NCALD: variants seen among roughly 807,000 people sequenced by gnomAD.
NCALD encodes neurocalcin-delta.
In NCALD, 10 loss-of-function variants were observed where a neutral mutation model predicts 18.6. The observed-to-expected ratio is 0.54, with a 90% CI of 0.33 to 0.91. The LOEUF is 0.91. NCALD is among the 40% of genes least tolerant of loss of function. The probability of loss-of-function intolerance (pLI) is 0.03; values close to 1 mark genes in which losing one functional copy is unlikely to be tolerated. For missense variants in NCALD, 184 were observed against 247.6 expected, an observed-to-expected ratio of 0.74 and a Z score of 1.72; for synonymous variants, 88 against 87.4, an observed-to-expected ratio of 1.01 and a Z score of -0.04.
intron 3 of NCALD, among the ~76,000 whole-genome samples, chr8:101,889,583 G>A (rs1271126998): frequency 2.0e-5 from 3 of 152,174 alleles, no homozygotes; most frequent in Non-Finnish European, 4.4e-5. Context: ...GGTGAGAGGA[G>A]ATTCATTGCT....
chr8:102,010,150 C>A (rs1415865864), intron 2 of NCALD, among the ~76,000 whole-genome samples: 1 of 152,242 alleles, frequency 6.6e-6, no homozygotes, highest in Non-Finnish European at 1.5e-5. Flanking sequence ...ATCACAAACA[C>A]GTAGCACCCT....
At chr8:102,069,227 A>C (rs1384442917) in intron 1 of NCALD, among the ~76,000 whole-genome samples, 1 of 152,140 alleles carries the variant, frequency 6.6e-6, no homozygotes, top group Non-Finnish European at 1.5e-5. Context: ...ATGTGAGGTG[A>C]TGGATATGTT....
intron 1 of NCALD, among the ~76,000 whole-genome samples, chr8:102,101,346 T>C (rs1314485649): frequency 6.6e-6 from 1 of 152,244 alleles, no homozygotes; most frequent in African/African-American, 2.4e-5. Context: ...CAACAAATTT[T>C]AAAAAGTTTT....
At chr8:101,955,287 GC>G (rs1024686694) in intron 2 of NCALD, among the ~76,000 whole-genome samples, 1 of 152,176 alleles carries the variant, frequency 6.6e-6, no homozygotes, top group Non-Finnish European at 1.5e-5. Context: ...AAAGGGAAGT[GC>G]CTTCCAGAGA....
rs1205461845 is a variant in NCALD, at chr8:101,860,642, A to G, written c.-20+26499T>C. On this transcript the variant is annotated intron_variant, in intron 4 of 6. Transcript: ENST00000311028. ...ATATGTTAGCTATAATGAGTCAACC[A>G]TAATAACATAAACAGTGAAAATTGT... Among the ~76,000 whole-genome samples the G allele has an allele frequency of 2.6e-5, 4 of 152,330 alleles. No individual in the cohort carries two copies. The East Asian group carries it at 5.8e-4, about 22-fold the overall frequency.
intron 4 of NCALD, among the ~76,000 whole-genome samples, chr8:101,858,297 C>T (rs375293443): frequency 4.6e-5 from 7 of 152,068 alleles, no homozygotes; most frequent in Admixed American, 2.6e-4. Context: ...CCATCTGCAG[C>T]GATTGAAGTC....
At chr8:102,046,990 T>C (rs992196855) in intron 1 of NCALD, among the ~76,000 whole-genome samples, 6 of 152,162 alleles carry the variant, frequency 3.9e-5, no homozygotes, top group African/African-American at 1.2e-4. Flanking sequence ...CACGCTCAAA[T>C]AGACCCCAGC....
At chr8:101,720,797 T>C (rs1370033657) in intron 1 of NCALD, among the ~76,000 whole-genome samples, 1 of 152,250 alleles carries the variant, frequency 6.6e-6, no homozygotes, top group Non-Finnish European at 1.5e-5. Flanking sequence ...TCATTTATAG[T>C]GCTTTTGCAC....
At chr8:101,957,574 T>C (rs1040653641) in intron 2 of NCALD, among the ~76,000 whole-genome samples, 4 of 152,140 alleles carry the variant, frequency 2.6e-5, no homozygotes, top group Non-Finnish European at 5.9e-5. Flanking sequence ...GATATTTGTT[T>C]TCCTACCAAA....
At chr8:101,748,419 C>T (rs1810515315) in intron 1 of NCALD, among the ~76,000 whole-genome samples, 1 of 152,196 alleles carries the variant, frequency 6.6e-6, no homozygotes, top group African/African-American at 2.4e-5. Context: ...TGATTGTCAG[C>T]TCGTTCATCA....
intron 4 of NCALD, among the ~76,000 whole-genome samples, chr8:101,879,021 G>C (rs115220155): frequency 1.2e-3 from 184 of 152,356 alleles, no homozygotes; most frequent in African/African-American, 4.1e-3. Context: ...TACAGATATT[G>C]CAAGTAGTTG....
At chr8:101,992,061 T>C (rs1586884996) in intron 2 of NCALD, among the ~76,000 whole-genome samples, 1 of 152,238 alleles carries the variant, frequency 6.6e-6, no homozygotes, top group Non-Finnish European at 1.5e-5. Context: ...AGTGCATTAC[T>C]ACACTCCATG....
chr8:102,107,354 T>C (rs1408677572), intron 1 of NCALD, among the ~76,000 whole-genome samples: 1 of 151,596 alleles, frequency 6.6e-6, no homozygotes. Flanking sequence ...TAAGAGTCTT[T>C]AACAATGGCC....
At chr8:101,881,852 T>C (rs1449575452) in intron 4 of NCALD, among the ~76,000 whole-genome samples, 2 of 151,836 alleles carry the variant, frequency 1.3e-5, no homozygotes, top group Non-Finnish European at 2.9e-5. Flanking sequence ...GTGAGAATTA[T>C]AGAACTGCAA....
intron 2 of NCALD, among the ~76,000 whole-genome samples, chr8:101,931,811 A>G (rs1818585087): frequency 6.6e-6 from 1 of 152,178 alleles, no homozygotes; most frequent in Admixed American, 6.5e-5. Flanking sequence ...AGCAGTCCTA[A>G]AAAGGAGATG....
chr8:101,920,931 G>A (rs1818143118), intron 2 of NCALD, among the ~76,000 whole-genome samples: 1 of 152,144 alleles, frequency 6.6e-6, no homozygotes, highest in Non-Finnish European at 1.5e-5. Flanking sequence ...GTGACAATAG[G>A]AAATTACGAT....
chr8:101,719,368 C>A lies in NCALD; in HGVS notation c.262G>T (p.Ala88Ser), dbSNP rs1281774324. 6.2e-7 allele frequency: 1 copy of A among 1,614,198 alleles called. No individual in the cohort carries two copies. Among genetic ancestry groups the A allele is most frequent in the South Asian group, 1.1e-5 (1 of 91,080 alleles). Reference sequence around the variant, plus strand: ...TTCCCCCTCGAAGTTACACTCAAGGCGATGATGAATTCTCTAAAGTCTATT... The same window carrying A: ...TTCCCCCTCGAAGTTACACTCAAGGAGATGATGAATTCTCTAAAGTCTATT... ...GTIDFREFIIALSVTSRGKLE... is the reference protein window; with the variant it reads ...GTIDFREFIISLSVTSRGKLE... Residue 88 changes from alanine (A) to serine (S), a missense_variant, in exon 2 of 4, where the codon GCC (alanine) becomes TCC (serine). Physicochemically the swap from Ala to Ser is moderately conservative, Grantham distance 99. Transcript: ENST00000220931.
intron 1 of NCALD, among the ~76,000 whole-genome samples, chr8:102,026,381 T>A (rs554598354): frequency 6.6e-6 from 1 of 152,224 alleles, no homozygotes; most frequent in East Asian, 1.9e-4. Context: ...AGGAATTGGG[T>A]AAATGCACCC....
rs746884353 is a variant in NCALD, at chr8:101,688,661, G to A, written c.*648C>T. ...ATTTGTGTTTAATTTCCAAAGACAC[G>A]CATATTAGCTCAACTAGTGTAAACC... On this transcript the variant is annotated 3_prime_UTR_variant, in exon 4 of 4. Transcript: ENST00000220931. The A allele has an allele frequency of 2.2e-5, 10 of 462,510 alleles. No individual in the cohort carries two copies. The highest frequency in any genetic ancestry group is 7.9e-5 in the African/African-American group (4 of 50,370). The allele number at this position is 462,510 out of a possible 1,614,324, so 28.7% of individuals were successfully genotyped here.
Sources: allele counts gnomAD v4.1 joint callset (sites outside exome capture counted in the v4.1 genomes callset), GRCh38; gene constraint gnomAD v4.1.1; transcripts MANE v1.5; gene names NCBI Gene and HGNC (gene_info 2026-07-23, HGNC 2026-07-21).